RAB8B: variants seen among roughly 807,000 people sequenced by gnomAD.
RAB8B encodes the protein RAB8B, member RAS oncogene family.
RAB8B carries 11 observed loss-of-function variants against 32.0 expected under a neutral mutation model. The ratio of observed to expected loss-of-function variants is 0.34; its 90% CI spans 0.22 to 0.57. The LOEUF (loss-of-function observed/expected upper bound fraction) is 0.57. RAB8B is among the 20% of genes least tolerant of loss of function. The probability of loss-of-function intolerance (pLI) is 0.86; values close to 1 mark genes in which losing one functional copy is unlikely to be tolerated. For synonymous variants in RAB8B, 103 were observed against 89.6 expected, an observed-to-expected ratio of 1.15 and a Z score of -0.85; for missense variants, 190 against 258.5, an observed-to-expected ratio of 0.73 and a Z score of 1.82.
At chr15:63,217,003 G>A (rs1326488455) in intron 1 of RAB8B, among the ~76,000 whole-genome samples, 1 of 152,058 alleles carries the variant, frequency 6.6e-6, no homozygotes, top group African/African-American at 2.4e-5. Context: ...ATGCACATGG[G>A]TTGATTACAT....
intron 2 of RAB8B, among the ~76,000 whole-genome samples, chr15:63,246,565 A>C (rs529657482): frequency 6.6e-6 from 1 of 152,188 alleles, no homozygotes; most frequent in Non-Finnish European, 1.5e-5. Context: ...AGGAACTTCC[A>C]CACTTCCTTC....
At chr15:63,249,809 A>T in intron 3 of RAB8B, 104 bp downstream of exon 3, 1 of 1,237,224 alleles carries the variant, frequency 8.1e-7, no homozygotes, top group Non-Finnish European at 1.1e-6. Context: ...ATGTAGAAAA[A>T]TAAATTTTCT....
intron 1 of RAB8B, among the ~76,000 whole-genome samples, chr15:63,214,676 G>A (rs1008096868): frequency 6.6e-6 from 1 of 152,054 alleles, no homozygotes; most frequent in Non-Finnish European, 1.5e-5. Flanking sequence ...ATCTGACAGT[G>A]GATTTGACCA....
chr15:63,216,740 G>T (rs557255637), intron 1 of RAB8B, among the ~76,000 whole-genome samples: 54 of 151,788 alleles, frequency 3.6e-4, no homozygotes, highest in African/African-American at 1.2e-3. Flanking sequence ...TGCACCTGTA[G>T]TCCCAGCTCT....
At chr15:63,221,503 C>G (rs887476937) in intron 1 of RAB8B, among the ~76,000 whole-genome samples, 2 of 152,186 alleles carry the variant, frequency 1.3e-5, no homozygotes, top group African/African-American at 4.8e-5. Context: ...ATCGCTGACT[C>G]AGTGACAAAC....
chr15:63,239,951 G>A (rs771295555), intron 1 of RAB8B, among the ~76,000 whole-genome samples: 2 of 152,078 alleles, frequency 1.3e-5, no homozygotes, highest in Non-Finnish European at 2.9e-5. Context: ...CAGAGCTGAG[G>A]AGAGAAGAGA....
At chr15:63,249,472 AC>A (rs2152579794) in intron 2 of RAB8B, among the ~76,000 whole-genome samples, 172 bp from the exon 3 acceptor site, 1 of 152,224 alleles carries the variant, frequency 6.6e-6, no homozygotes, top group African/African-American at 2.4e-5. Context: ...TCCTGTGGCC[AC>A]CACCACCTCC....
At chr15:63,195,306 A>G (rs758299830) in intron 1 of RAB8B, among the ~76,000 whole-genome samples, 2 of 152,208 alleles carry the variant, frequency 1.3e-5, no homozygotes, top group Non-Finnish European at 2.9e-5. Context: ...CATCTCTTCA[A>G]TCAATGTTCT....
Position 63,240,971 on chromosome 15 carries a change from C to T in RAB8B, c.125-3785C>T, listed in dbSNP as rs146550244. On this transcript the variant is annotated intron_variant, in intron 1 of 7. Coordinates refer to ENST00000321437, the MANE Select transcript of RAB8B (RefSeq NM_016530.3). ...CAAAATCAACCTTAATAAGAACAGGCGTTACTACTTTAATAAGCCAGAATA... is the reference window on the plus strand; with the variant it reads ...CAAAATCAACCTTAATAAGAACAGGTGTTACTACTTTAATAAGCCAGAATA... Among the ~76,000 whole-genome samples, 8 of 152,222 alleles carry T rather than the reference C, an allele frequency of 5.3e-5. No homozygotes were observed. The East Asian group carries it at 1.3e-3, about 26-fold the overall frequency.
intron 1 of RAB8B, among the ~76,000 whole-genome samples, chr15:63,228,436 T>A (rs1272257153): frequency 2.0e-5 from 3 of 152,232 alleles, no homozygotes; most frequent in Admixed American, 1.3e-4. Context: ...CTGTGTTAAT[T>A]AGGGACAGGG....
At chr15:63,194,607 C>CTTTACCG (rs1280733131) in intron 1 of RAB8B, among the ~76,000 whole-genome samples, 1 of 152,178 alleles carries the variant, frequency 6.6e-6, no homozygotes, top group Admixed American at 6.5e-5. Flanking sequence ...CGTAAAGTAA[C>CTTTACCG]TAATGAAATC....
chr15:63,213,309 C>T (rs576774171), intron 1 of RAB8B, among the ~76,000 whole-genome samples: 4 of 151,604 alleles, frequency 2.6e-5, no homozygotes, highest in African/African-American at 7.3e-5. Context: ...TGGAGGGGGA[C>T]GTGGGGCAAA....
intron 1 of RAB8B, among the ~76,000 whole-genome samples, chr15:63,198,185 C>G (rs531458379): frequency 1.3e-5 from 2 of 152,082 alleles, no homozygotes; most frequent in South Asian, 4.2e-4. Context: ...TTTGGGAGGC[C>G]GCATAAAGTG....
chr15:63,191,566 G>C (rs2037556220), intron 1 of RAB8B, among the ~76,000 whole-genome samples: 1 of 152,106 alleles, frequency 6.6e-6, no homozygotes, highest in Non-Finnish European at 1.5e-5. Context: ...GCAACTAAAG[G>C]GTGTTAATTT....
At position 63,257,098 on chromosome 15, in the gene RAB8B, C is replaced by T. The variant is rs565635549; in HGVS notation, c.414+504C>T. ...ATGTCATTTATATGTTGTTTATGGG[C>T]ATGGGCATTTCTCTCTTTTGTGTCC... On this transcript the variant is annotated intron_variant, in intron 5 of 7. Coordinates refer to ENST00000321437, the MANE Select transcript of RAB8B (RefSeq NM_016530.3). Among the ~76,000 whole-genome samples, 6 of 152,204 alleles carry T rather than the reference C, an allele frequency of 3.9e-5. No homozygotes were observed. In the East Asian group the frequency reaches 1.2e-3, roughly 29 times the overall value.
At chr15:63,243,553 A>C (rs1307240450) in intron 1 of RAB8B, among the ~76,000 whole-genome samples, 1 of 152,118 alleles carries the variant, frequency 6.6e-6, no homozygotes, top group Admixed American at 6.6e-5. Flanking sequence ...TGAACTTTTG[A>C]AGTGCCCGAG....
chr15:63,250,855 G>A (rs895843985), intron 3 of RAB8B, among the ~76,000 whole-genome samples: 2 of 151,176 alleles, frequency 1.3e-5, no homozygotes, highest in Non-Finnish European at 2.9e-5. Flanking sequence ...ACCAGCTGCC[G>A]TCATTCCCAA....
chr15:63,225,042 C>A (rs1439338242), intron 1 of RAB8B, among the ~76,000 whole-genome samples: 1 of 152,186 alleles, frequency 6.6e-6, no homozygotes, highest in Non-Finnish European at 1.5e-5. Context: ...ATGGATATTT[C>A]CTATAGTTCT....
chr15:63,260,562 G>T (rs1012416367), intron 6 of RAB8B, among the ~76,000 whole-genome samples: 1 of 152,046 alleles, frequency 6.6e-6, no homozygotes, highest in Non-Finnish European at 1.5e-5. Context: ...TATGAGAATA[G>T]GTTTTCTTCA....
Sources: gnomAD v4.1 joint callset for allele counts (sites outside exome capture counted in the v4.1 genomes callset) on GRCh38, gnomAD v4.1.1 for gene constraint, MANE v1.5 for transcripts, NCBI Gene and HGNC (gene_info 2026-07-23, HGNC 2026-07-21) for gene names.